The following RNF150 variants were observed in gnomAD, a reference collection of about 807,000 sequenced individuals.
The protein encoded by RNF150 is ring finger protein 150.
RNF150 carries 24 observed loss-of-function variants against 39.3 expected under a neutral mutation model. That is an observed-to-expected ratio of 0.61 (90% CI 0.44 to 0.86). The LOEUF is 0.86. RNF150 is among the 40% of genes least tolerant of loss of function. The probability of loss-of-function intolerance (pLI) is 0.00; values close to 1 mark genes in which losing one functional copy is unlikely to be tolerated. For missense variants in RNF150, 502 were observed against 587.8 expected (o/e 0.85, Z 1.51); for synonymous variants, 255 against 227.3 (o/e 1.12, Z -1.10).
At chr4:141,202,045 T>C (rs867636410) in intron 1 of RNF150, among the ~76,000 whole-genome samples, 2 of 152,184 alleles carry the variant, frequency 1.3e-5, no homozygotes, top group Non-Finnish European at 2.9e-5. Flanking sequence ...AAATTGGCTC[T>C]CACCAGACAC....
chr4:140,887,288 T>G (rs890648576), intron 6 of RNF150, among the ~76,000 whole-genome samples: 2 of 152,212 alleles, frequency 1.3e-5, no homozygotes, highest in Non-Finnish European at 2.9e-5. Context: ...AATAATACAT[T>G]TTTTGTAGCC....
Position 141,133,170 on chromosome 4 carries a change from G to T in RNF150, c.-362C>A, listed in dbSNP as rs1383042274. ...TGGCCGGGGGCCCACGAACTTGCAG[G>T]GTGGCGGCCCTGCGCCCTCCAGCCC... is the stretch of plus-strand genomic sequence containing the variant. On this transcript the variant is annotated 5_prime_UTR_variant, in exon 1 of 7. Coordinates refer to ENST00000515673, the MANE Select transcript of RNF150 (RefSeq NM_020724.2). The T allele has an allele frequency of 3.9e-6, 1 of 253,646 alleles. No individual in the cohort carries two copies. The highest frequency in any genetic ancestry group is 5.8e-5 in the Admixed American group (1 of 17,150). The allele number at this position is 253,646 out of a possible 1,614,324, so 15.7% of individuals were successfully genotyped here.
At chr4:140,956,665 C>T (rs1290863868) in intron 2 of RNF150, among the ~76,000 whole-genome samples, 1 of 152,140 alleles carries the variant, frequency 6.6e-6, no homozygotes, top group East Asian at 1.9e-4. Flanking sequence ...TACTACAAGG[C>T]TACAGTAACC....
rs372947941 is a variant in RNF150 at position 141,071,898 on chromosome 4, T to TA, written c.484+60426dup. On this transcript the variant is annotated intron_variant, in intron 1 of 6. Transcript: ENST00000515673. ...TCAAGTCCTGGTAACATTTATTTTT[T>TA]ATTCTTTGTGGGGGAAAAAGAATCA... 3.1e-3 allele frequency among the ~76,000 whole-genome samples: 476 copies of TA among 152,314 alleles called. 1 individual carries two copies. The highest frequency in any genetic ancestry group is 0.011 in the African/African-American group (458 of 41,574).
At chr4:141,001,853 A>C (rs1010705796) in intron 1 of RNF150, among the ~76,000 whole-genome samples, 5 of 152,174 alleles carry the variant, frequency 3.3e-5, no homozygotes, top group Admixed American at 1.3e-4. Flanking sequence ...TATCAATTTA[A>C]ATCCATTCAG....
In RNF150 at chr4:141,068,186, C is replaced by A. The variant is rs1737538361; in HGVS notation, c.484+64139G>T. 3.9e-5 allele frequency among the ~76,000 whole-genome samples: 6 copies of A among 152,174 alleles called. No individual in the cohort carries two copies. The South Asian group carries it at 1.2e-3, about 32-fold the overall frequency. On this transcript the variant is annotated intron_variant, in intron 1 of 6. Transcript: ENST00000515673. ...TCTTGAACACCTAACCTCATGTGAT[C>A]TGCCCGCCTTGGCCTCCCAAAGTGC...
intron 1 of RNF150, among the ~76,000 whole-genome samples, chr4:141,173,693 T>C (rs543255345): frequency 9.9e-5 from 15 of 152,214 alleles, no homozygotes; most frequent in African/African-American, 1.7e-4. Flanking sequence ...CCAACTGCCC[T>C]ACAGTTGGTT....
intron 1 of RNF150, among the ~76,000 whole-genome samples, chr4:141,049,376 T>A (rs761172571): frequency 1.3e-4 from 19 of 151,566 alleles, no homozygotes; most frequent in Non-Finnish European, 2.1e-4. Flanking sequence ...AACAATAAAA[T>A]TAATGTCAAA....
Position 140,911,333 on chromosome 4 carries a change from C to A in RNF150, c.1009G>T (p.Asp337Tyr), listed in dbSNP as rs145580952. The change falls in exon 6 of 7, where the codon GAC (aspartate) becomes TAC (tyrosine). Residue 337 changes from aspartate (D) to tyrosine (Y), a missense_variant. By Grantham distance (160) the Asp-to-Tyr change is radical. Transcript: ENST00000515673. ...GAGCCCTCGAAGTCAGTGGGCAAGT[C>A]GTCCATGCAGTCGGCATTGGGCTGA... is the stretch of plus-strand genomic sequence containing the variant. ...GIPPNADCMD[D>Y]LPTDFEGSLG... 6.2e-7 allele frequency: 1 copy of A among 1,614,094 alleles called. No homozygotes were observed. Among genetic ancestry groups the A allele is most frequent in the South Asian group, 1.1e-5 (1 of 91,048 alleles).
At chr4:140,995,575 A>G (rs914770537) in intron 1 of RNF150, among the ~76,000 whole-genome samples, 2 of 152,138 alleles carry the variant, frequency 1.3e-5, no homozygotes, top group Admixed American at 1.3e-4. Flanking sequence ...TCTTATGGAA[A>G]GCTGCTTCCG....
At chr4:141,192,603 C>G (rs1375963033) in intron 1 of RNF150, among the ~76,000 whole-genome samples, 1 of 151,990 alleles carries the variant, frequency 6.6e-6, no homozygotes, top group African/African-American at 2.4e-5. Flanking sequence ...TGGATGTTGG[C>G]CAAAGCATAG....
chr4:141,025,786 C>T (rs1281890499), intron 1 of RNF150, among the ~76,000 whole-genome samples: 1 of 152,016 alleles, frequency 6.6e-6, no homozygotes, highest in Non-Finnish European at 1.5e-5. Flanking sequence ...TCAAATGAAA[C>T]ATTGAAAAAA....
At chr4:141,087,413 C>T (rs1480616348) in intron 1 of RNF150, among the ~76,000 whole-genome samples, 1 of 152,148 alleles carries the variant, frequency 6.6e-6, no homozygotes, top group East Asian at 1.9e-4. Flanking sequence ...TCCTTTCCCT[C>T]TCCATCTTTA....
Position 141,132,932 on chromosome 4 carries a change from G to A in RNF150, c.-124C>T, listed in dbSNP as rs542909319. 1.6e-4 allele frequency: 125 copies of A among 770,386 alleles called. No homozygotes were observed. In the Middle Eastern group the frequency reaches 1.9e-3, roughly 12 times the overall value. The allele number at this position is 770,386 out of a possible 1,614,324, so 47.7% of individuals were successfully genotyped here. Reference sequence around the variant, plus strand: ...GCTGCTGCTCACTCCCGGGCCGGAGGGGCCGCGGCCGGGACGCGCAGCCGC... The same window carrying A: ...GCTGCTGCTCACTCCCGGGCCGGAGAGGCCGCGGCCGGGACGCGCAGCCGC... On this transcript the variant is annotated 5_prime_UTR_variant, in exon 1 of 7. Coordinates refer to ENST00000515673, the MANE Select transcript of RNF150 (RefSeq NM_020724.2). This position sits in a 1 kb window ranked among gnomAD's most constrained non-coding sequence, Gnocchi z 4.9.
intron 1 of RNF150, among the ~76,000 whole-genome samples, chr4:141,121,686 A>G (rs1300564531): frequency 6.6e-6 from 1 of 152,098 alleles, no homozygotes; most frequent in Non-Finnish European, 1.5e-5. Context: ...CATTATTATC[A>G]GTGAATCACT....
intron 5 of RNF150, among the ~76,000 whole-genome samples, chr4:140,914,877 A>G (rs565606126): frequency 6.6e-6 from 1 of 152,324 alleles, no homozygotes; most frequent in East Asian, 1.9e-4. Context: ...CAAAATAACA[A>G]CATCCTCAGT....
chr4:140,868,453 C>A, intron 6 of RNF150, 74 bp from the exon 7 acceptor site: 1 of 829,036 alleles, frequency 1.2e-6, no homozygotes, highest in Admixed American at 1.9e-5. Flanking sequence ...AGTACAATTG[C>A]TTGTAATAAC....
In RNF150 at chr4:140,998,143, C is replaced by A. The variant is rs138015640; in HGVS notation, c.485-30270G>T. 2.0e-4 allele frequency among the ~76,000 whole-genome samples: 31 copies of A among 152,300 alleles called. 1 individual carries two copies. Among genetic ancestry groups the A allele is most frequent in the Middle Eastern group, 3.4e-3 (1 of 294 alleles). On this transcript the variant is annotated intron_variant, in intron 1 of 6. Transcript: ENST00000515673. ...GGTAACGCAAAATACAGCTGCCCAG[C>A]ATAGAGTTCAGTCCAGTTGCCCGCA...
upstream of RNF150, among the ~76,000 whole-genome samples, chr4:141,136,879 C>G (rs1285446679): frequency 6.6e-6 from 1 of 152,142 alleles, no homozygotes; most frequent in Non-Finnish European, 1.5e-5. Flanking sequence ...TATTTTCTGT[C>G]AGGGTCAGCT....
Sources: allele counts gnomAD v4.1 joint callset (sites outside exome capture counted in the v4.1 genomes callset), GRCh38; gene constraint gnomAD v4.1.1; non-coding constraint Gnocchi (gnomAD v3.1); transcripts MANE v1.5; gene names NCBI Gene and HGNC (gene_info 2026-07-23, HGNC 2026-07-21).